HRH1: variants seen among roughly 807,000 people sequenced by gnomAD.
The protein encoded by HRH1 is histamine H1 receptor.
HRH1 carries 6 observed loss-of-function variants against 10.3 expected under a neutral mutation model. The ratio of observed to expected loss-of-function variants is 0.58; its 90% CI spans 0.32 to 1.15. HRH1 has a LOEUF of 1.15. Ranked by LOEUF, HRH1 falls within the 50% of genes most tolerant of loss-of-function variation. HRH1 has a pLI of 0.05. For synonymous variants in HRH1, 242 were observed against 236.7 expected (o/e 1.02, Z -0.21); for missense variants, 514 against 615.3 (o/e 0.84, Z 1.74).
At chr3:11,196,129 G>C (rs9813290) in intron 1 of HRH1, among the ~76,000 whole-genome samples, 71,457 of 151,948 alleles carry the variant, frequency 0.47, 17,274 homozygotes, top group Admixed American at 0.56. Context: ...AAAGCTCCTC[G>C]GTGCCCCTGG....
At chr3:11,154,273 G>A (rs1239984052), upstream of HRH1, among the ~76,000 whole-genome samples, 1 of 152,022 alleles carries the variant, frequency 6.6e-6, no homozygotes, top group African/African-American at 2.4e-5. The surrounding 1 kb of genome is among the most constrained non-coding windows in gnomAD (Gnocchi z 4.4). Flanking sequence ...CCTGGGGCGC[G>A]AGCTGGGAGA....
intron 1 of HRH1, among the ~76,000 whole-genome samples, chr3:11,197,427 C>T (rs769968634): frequency 4.3e-4 from 65 of 152,118 alleles, no homozygotes; most frequent in Non-Finnish European, 8.1e-4. Flanking sequence ...GATATTTCTT[C>T]CCCTAAAATT....
At chr3:11,169,222 G>A (rs971255875) in intron 1 of HRH1, among the ~76,000 whole-genome samples, 10 of 152,138 alleles carry the variant, frequency 6.6e-5, no homozygotes, top group Non-Finnish European at 1.0e-4. Flanking sequence ...TTGCCTGGTG[G>A]GGGTGAGGAG....
chr3:11,153,708 G>T (rs2125003970), upstream of HRH1, among the ~76,000 whole-genome samples: 1 of 152,148 alleles, frequency 6.6e-6, no homozygotes, highest in South Asian at 2.1e-4. Context: ...GAATCCTCAA[G>T]CTCCCATTGC....
rs544612364 is a variant in HRH1, at chr3:11,139,024, G to A, written c.-36+1625G>A. Among the ~76,000 whole-genome samples the A allele has an allele frequency of 1.4e-3, 191 of 133,432 alleles. 1 individual carries two copies. Among genetic ancestry groups the A allele is most frequent in the African/African-American group, 4.8e-3 (168 of 34,926 alleles). The allele number at this position is 133,432 out of a possible 152,430, so 87.5% of individuals were successfully genotyped here. A position where few individuals can be genotyped will look rare whatever the true frequency, so the allele number is the denominator to read the frequency against. On this transcript the variant is annotated intron_variant, in intron 1 of 1. Coordinates refer to the HRH1 transcript ENST00000438284. ...TTTTTTTAGAAAGAATTTTGCTCTTGTTGCCCAGGCTAGAGTGCAATGGTG... is the reference window on the plus strand; with the variant it reads ...TTTTTTTAGAAAGAATTTTGCTCTTATTGCCCAGGCTAGAGTGCAATGGTG...
chr3:11,182,539 C>G (rs930060451), intron 1 of HRH1, among the ~76,000 whole-genome samples: 6 of 152,278 alleles, frequency 3.9e-5, no homozygotes, highest in African/African-American at 1.4e-4. Flanking sequence ...GGAACTCAGC[C>G]CAGGGAGGGA....
chr3:11,158,326 G>T (rs1936857671), intron 1 of HRH1, among the ~76,000 whole-genome samples: 1 of 152,228 alleles, frequency 6.6e-6, no homozygotes, highest in African/African-American at 2.4e-5. Flanking sequence ...ACAGCACTCT[G>T]CAAAGTGCTT....
intron 1 of HRH1, among the ~76,000 whole-genome samples, chr3:11,175,344 T>G (rs768087333): frequency 9.2e-5 from 14 of 152,204 alleles, no homozygotes; most frequent in Non-Finnish European, 1.9e-4. Flanking sequence ...AATTTAGGTC[T>G]TTCTGACTCC....
rs146441347 is a variant in HRH1, at chr3:11,259,389, G to A, written c.352G>A (p.Val118Ile). ...GGCCAGCACAGCGTCCATTTTCAGTGTCTTCATCCTGTGCATTGATCGCTA... is the reference window on the plus strand; with the variant it reads ...GGCCAGCACAGCGTCCATTTTCAGTATCTTCATCCTGTGCATTGATCGCTA... ...YVASTASIFS[V>I]FILCIDRYRS... The change falls in exon 2 of 2, where the codon GTC becomes ATC. Residue 118 changes from valine to isoleucine, a missense_variant. Physicochemically the swap from Val to Ile is conservative, Grantham distance 29. Transcript: ENST00000431010. The surrounding 1 kb of genome is among the most constrained non-coding windows in gnomAD (Gnocchi z 4.6). 256 of 1,613,716 alleles carry A rather than the reference G, an allele frequency of 1.6e-4. No individual in the cohort carries two copies. The highest frequency in any genetic ancestry group is 3.3e-5 in the Non-Finnish European group (39 of 1,180,000).
chr3:11,183,974 T>C (rs1026536918), intron 1 of HRH1, among the ~76,000 whole-genome samples: 3 of 149,694 alleles, frequency 2.0e-5, no homozygotes, highest in Admixed American at 1.4e-4. Context: ...GCAGGCGGTG[T>C]GATGGTTTTT....
At chr3:11,216,842 T>C (rs1040673556) in intron 1 of HRH1, among the ~76,000 whole-genome samples, 1 of 150,504 alleles carries the variant, frequency 6.6e-6, no homozygotes, top group Non-Finnish European at 1.5e-5. Context: ...GTTGTACCAC[T>C]GCACACCAGC....
chr3:11,259,747 T>C lies in HRH1; in HGVS notation c.710T>C (p.Ile237Thr). The change falls in exon 2 of 2, where the codon ATT (isoleucine) becomes ACT (threonine). Residue 237 changes from isoleucine to threonine, a missense_variant. Ile to Thr is a moderately conservative substitution (Grantham distance 89, BLOSUM62 -1). Coordinates refer to ENST00000431010, the MANE Select transcript of HRH1 (RefSeq NM_001098212.2). The surrounding 1 kb of genome is among the most constrained non-coding windows in gnomAD (Gnocchi z 4.6). ...AGGTCCCTCCCTTCCTTCTCAGAAA[T>C]TAAGCTGAGGCCAGAGAACCCCAAG... ...INRSLPSFSE[I>T]KLRPENPKGD... 6.2e-7 allele frequency: 1 copy of C among 1,613,926 alleles called. No individual in the cohort carries two copies. The highest frequency in any genetic ancestry group is 8.5e-7 in the Non-Finnish European group (1 of 1,179,980).
chr3:11,216,025 C>G (rs1037982259), intron 1 of HRH1, among the ~76,000 whole-genome samples: 2 of 152,014 alleles, frequency 1.3e-5, no homozygotes, highest in Non-Finnish European at 2.9e-5. Flanking sequence ...TTAATGGATC[C>G]CCTGTTACTG....
At chr3:11,190,569 T>G (rs1352218082) in intron 1 of HRH1, among the ~76,000 whole-genome samples, 1 of 151,908 alleles carries the variant, frequency 6.6e-6, no homozygotes, top group Non-Finnish European at 1.5e-5. Context: ...TTCTTTTGTA[T>G]TTTAGTAGAG....
At chr3:11,252,524 A>G (rs1939679953) in intron 1 of HRH1, among the ~76,000 whole-genome samples, 1 of 152,190 alleles carries the variant, frequency 6.6e-6, no homozygotes, top group Non-Finnish European at 1.5e-5. Context: ...GTCCATCAGT[A>G]TTGCTGTTTT....
At chr3:11,252,662 C>T (rs901716893) in intron 1 of HRH1, 4 of 152,190 alleles carry the variant, frequency 2.6e-5, no homozygotes, top group Non-Finnish European at 5.9e-5. Context: ...TAAGGTCTTG[C>T]ACTAACCAGT....
chr3:11,255,261 TTAAAAAA>T (rs1411152076), intron 1 of HRH1, among the ~76,000 whole-genome samples: 2 of 151,960 alleles, frequency 1.3e-5, no homozygotes, highest in Non-Finnish European at 2.9e-5. Context: ...AAAATTAAAA[TTAAAAAA>T]TAAAAAATAA....
intron 1 of HRH1, among the ~76,000 whole-genome samples, chr3:11,251,291 G>A (rs1939644609): frequency 6.6e-6 from 1 of 152,146 alleles, no homozygotes; most frequent in South Asian, 2.1e-4. Flanking sequence ...AAGTTCTCTA[G>A]TACTTGGATT....
In HRH1 at chr3:11,181,764, C is replaced by T. The variant is rs748196739; in HGVS notation, c.-36+27210C>T. ...CTCCTGCCTCAGCCTCCCGAGTAGC[C>T]GGGACTACAGGCGCCCGCCACTGCG... On this transcript the variant is annotated intron_variant, in intron 1 of 1. Coordinates refer to ENST00000431010, the MANE Select transcript of HRH1 (RefSeq NM_001098212.2). Among the ~76,000 whole-genome samples the T allele has an allele frequency of 9.8e-4, 148 of 151,310 alleles. 1 individual carries two copies. Among genetic ancestry groups the T allele is most frequent in the Non-Finnish European group, 1.7e-3 (118 of 67,716 alleles).
Sources: allele counts gnomAD v4.1 joint callset (sites outside exome capture counted in the v4.1 genomes callset), GRCh38; gene constraint gnomAD v4.1.1; non-coding constraint Gnocchi (gnomAD v3.1); transcripts MANE v1.5; gene names NCBI Gene and HGNC (gene_info 2026-07-23, HGNC 2026-07-21).